Variants in ANO4 observed in about 807,000 individuals in gnomAD.
The protein encoded by ANO4 is anoctamin-4.
A neutral mutation model predicts 141.9 loss-of-function variants in ANO4; 69 were observed. The observed-to-expected ratio is 0.49, with a 90% confidence interval of 0.40 to 0.59. The LOEUF (loss-of-function observed/expected upper bound fraction) is 0.59. ANO4 is among the 20% of genes least tolerant of loss of function. ANO4 has a pLI of 0.00. For synonymous variants in ANO4, 350 were observed against 394.3 expected, an observed-to-expected ratio of 0.89 and a Z score of 1.33; for missense variants, 894 against 1,162.2, an observed-to-expected ratio of 0.77 and a Z score of 3.36.
At chr12:100,905,008 C>T (rs1423730931) in intron 2 of ANO4, among the ~76,000 whole-genome samples, 1 of 152,092 alleles carries the variant, frequency 6.6e-6, no homozygotes, top group Non-Finnish European at 1.5e-5. Context: ...CAAAGGATGA[C>T]TGAAAAGTTT....
chr12:100,797,588 G>A (rs1289443500), intron 1 of ANO4, among the ~76,000 whole-genome samples: 1 of 151,926 alleles, frequency 6.6e-6, no homozygotes, highest in Non-Finnish European at 1.5e-5. Flanking sequence ...GCAAATTGAA[G>A]TTATTTAAAA....
chr12:101,118,198 G>A (rs140059515), intron 25 of ANO4, among the ~76,000 whole-genome samples: 1 of 152,206 alleles, frequency 6.6e-6, no homozygotes, highest in Non-Finnish European at 1.5e-5. Flanking sequence ...AGTATGAAAT[G>A]CTTCAAAATA....
At chr12:101,005,197 T>C (rs2045821841) in intron 8 of ANO4, among the ~76,000 whole-genome samples, 1 of 152,210 alleles carries the variant, frequency 6.6e-6, no homozygotes, top group African/African-American at 2.4e-5. Flanking sequence ...TGAATTACAG[T>C]AGTGCCCTAA....
In ANO4 at chr12:100,933,442, C is replaced by T. The variant is rs142501130; in HGVS notation, c.161-5873C>T. 5.0e-3 allele frequency among the ~76,000 whole-genome samples: 759 copies of T among 152,252 alleles called. 7 individuals are homozygous for T. Among genetic ancestry groups the T allele is most frequent in the South Asian group, 0.017 (84 of 4,812 alleles). Reference sequence around the variant, plus strand: ...GCTTCATCCATGTCCCTGCAAAGGACGTGAACTCATCCTTTTTTATGGCTG... The same window carrying T: ...GCTTCATCCATGTCCCTGCAAAGGATGTGAACTCATCCTTTTTTATGGCTG... On this transcript the variant is annotated intron_variant, in intron 3 of 27. Coordinates refer to ENST00000392977, the MANE Select transcript of ANO4 (RefSeq NM_001286615.2).
intron 1 of ANO4, chr12:100,842,157 C>G (rs1234338307): frequency 6.8e-6 from 1 of 146,122 alleles, no homozygotes; most frequent in African/African-American, 2.5e-5. Flanking sequence ...GCAGCCTAAC[C>G]TTTTTGTCAT....
intron 14 of ANO4, chr12:101,068,372 AAAG>A (rs2048679941): frequency 1.9e-6 from 2 of 1,051,208 alleles, no homozygotes; most frequent in South Asian, 1.3e-5. Flanking sequence ...GTCTTTGACC[AAAG>A]AAGAATTTGC....
At chr12:100,857,854 G>A (rs927062954) in intron 1 of ANO4, among the ~76,000 whole-genome samples, 9 of 151,994 alleles carry the variant, frequency 5.9e-5, no homozygotes, top group African/African-American at 1.7e-4. Context: ...TACTAAATAC[G>A]TTAATGTGAG....
intron 3 of ANO4, among the ~76,000 whole-genome samples, chr12:100,758,498 G>C (rs896765349): frequency 3.3e-5 from 5 of 152,156 alleles, no homozygotes; most frequent in African/African-American, 1.2e-4. Context: ...ATCCTTAGGT[G>C]CAAGTCTGGG....
intron 5 of ANO4, among the ~76,000 whole-genome samples, chr12:100,942,858 G>A (rs2136180003): frequency 6.6e-6 from 1 of 152,270 alleles, no homozygotes; most frequent in South Asian, 2.1e-4. Flanking sequence ...TGTTCGCGTG[G>A]ATTAAAGAAA....
At chr12:101,107,162 G>T (rs946662163) in intron 22 of ANO4, among the ~76,000 whole-genome samples, 5 of 152,164 alleles carry the variant, frequency 3.3e-5, no homozygotes, top group African/African-American at 1.2e-4. Flanking sequence ...ATTACTGTTA[G>T]TGATTGTAAG....
intron 5 of ANO4, 121 bp downstream of exon 5, chr12:100,942,656 G>C: frequency 1.8e-6 from 2 of 1,095,176 alleles, no homozygotes; most frequent in Non-Finnish European, 2.5e-6. Flanking sequence ...GAGTTTTCCA[G>C]TCTTCAGAGT....
At chr12:100,903,343 C>A (rs1280258823) in intron 2 of ANO4, among the ~76,000 whole-genome samples, 1 of 152,192 alleles carries the variant, frequency 6.6e-6, no homozygotes, top group Non-Finnish European at 1.5e-5. Context: ...CCCACTCCAG[C>A]ATCTCTTTCC....
At chr12:100,923,431 C>T (rs2041726860) in intron 3 of ANO4, among the ~76,000 whole-genome samples, 2 of 152,004 alleles carry the variant, frequency 1.3e-5, no homozygotes. Context: ...GTGATGGTTT[C>T]CAGCTTCATC....
intron 8 of ANO4, among the ~76,000 whole-genome samples, chr12:100,991,047 C>T (rs188329380): frequency 2.6e-5 from 4 of 152,166 alleles, no homozygotes; most frequent in East Asian, 1.9e-4. Context: ...ATGAATCAAA[C>T]CGAAGAACCA....
At chr12:100,905,235 C>T (rs10860657) in intron 2 of ANO4, among the ~76,000 whole-genome samples, 16,445 of 152,052 alleles carry the variant, frequency 0.11, 1,134 homozygotes, top group East Asian at 0.32. Flanking sequence ...TAGTTGTTGA[C>T]ATATAAGTGC....
intron 1 of ANO4, among the ~76,000 whole-genome samples, chr12:100,880,794 A>G (rs1008622537): frequency 1.3e-5 from 2 of 152,196 alleles, no homozygotes; most frequent in Non-Finnish European, 2.9e-5. Context: ...TGTAACTTTT[A>G]GCCAGGTCTT....
chr12:101,081,688 G>A (rs185050370), intron 15 of ANO4, among the ~76,000 whole-genome samples: 60 of 152,298 alleles, frequency 3.9e-4, no homozygotes, highest in African/African-American at 1.4e-3. Context: ...TTCAACAATA[G>A]AAACTTACAT....
chr12:101,073,392 G>A (rs1182077679), intron 14 of ANO4, among the ~76,000 whole-genome samples: 1 of 151,992 alleles, frequency 6.6e-6, no homozygotes, highest in African/African-American at 2.4e-5. Flanking sequence ...TGGACACAGA[G>A]CAGGGAACAT....
At chr12:100,847,285 T>C (rs1796219342) in intron 1 of ANO4, among the ~76,000 whole-genome samples, 1 of 152,222 alleles carries the variant, frequency 6.6e-6, no homozygotes, top group Non-Finnish European at 1.5e-5. Flanking sequence ...AAGGAAACGC[T>C]GTGCAGATCA....
Sources: allele counts gnomAD v4.1 joint callset (sites outside exome capture counted in the v4.1 genomes callset), GRCh38; gene constraint gnomAD v4.1.1; transcripts MANE v1.5; gene names NCBI Gene and HGNC (gene_info 2026-07-23, HGNC 2026-07-21).